Variants in CCDC51 observed in about 807,000 individuals in gnomAD.
CCDC51 encodes coiled-coil domain containing 51.
In CCDC51, 25 loss-of-function variants were observed where a neutral mutation model predicts 24.8. The observed-to-expected ratio is 1.01, with a 90% confidence interval of 0.73 to 1.41. The LOEUF (loss-of-function observed/expected upper bound fraction) is 1.41. Ranked by LOEUF, CCDC51 falls within the 40% of genes most tolerant of loss-of-function variation. The probability of loss-of-function intolerance (pLI) is 0.00; values close to 1 mark genes in which losing one functional copy is unlikely to be tolerated. For missense variants in CCDC51, 466 were observed against 519.1 expected (o/e 0.90, Z 0.99); for synonymous variants, 190 against 204.3 (o/e 0.93, Z 0.60).
chr3:48,440,142 T>C (rs1344422194), upstream of CCDC51: 12 of 1,282,960 alleles, frequency 9.4e-6, no homozygotes, highest in African/African-American at 1.5e-5. Context: ...ACCTCTGACC[T>C]GTTAGTACCC....
chr3:48,435,188 T>G lies in CCDC51; in HGVS notation c.-8-52A>C. 1 of 1,462,098 alleles carries G rather than the reference T, an allele frequency of 6.8e-7. No homozygotes were observed. The highest frequency in any genetic ancestry group is 9.1e-7 in the Non-Finnish European group (1 of 1,095,428). 90.6% of individuals were successfully genotyped at this position (1,462,098 alleles called of 1,614,324 possible). A position where few individuals can be genotyped will look rare whatever the true frequency, so the allele number is the denominator to read the frequency against. ...GCTCACAGCTGAGAAAGGCTGGACA[T>G]AAGTCAGTTTTGAGGCCTAGGGACA... On this transcript the variant is annotated intron_variant, in intron 1 of 3. Transcript: ENST00000395694. This position sits in a 1 kb window ranked among gnomAD's most constrained non-coding sequence, Gnocchi z 4.2.
rs1333793727 is a variant in CCDC51 at position 48,436,856 on chromosome 3, C to T, written c.-8-1720G>A. ...ACAGCTACTGTCTCCTATGCAATCT[C>T]GGCTTTCTCCCCTGCCGTCCCCCAC... On this transcript the variant is annotated intron_variant, in intron 1 of 3. Coordinates refer to ENST00000395694, the MANE Select transcript of CCDC51 (RefSeq NM_001256964.2). 2.2e-4 allele frequency among the ~76,000 whole-genome samples: 34 copies of T among 152,222 alleles called. 1 individual carries two copies. Among genetic ancestry groups the T allele is most frequent in the Admixed American group, 2.2e-3 (34 of 15,286 alleles).
upstream of CCDC51, among the ~76,000 whole-genome samples, chr3:48,442,159 G>T (rs2039585522): frequency 6.6e-6 from 1 of 151,774 alleles, no homozygotes; most frequent in South Asian, 2.1e-4. Flanking sequence ...AAGCCCAGGA[G>T]TTCAAGGTAA....
At chr3:48,440,326 A>T (rs377181258), upstream of CCDC51, 22 of 1,611,514 alleles carry the variant, frequency 1.4e-5, no homozygotes, top group African/African-American at 6.7e-5. Context: ...AGTGTTCCGG[A>T]ACCGTGAGGA....
At chr3:48,439,125 C>G (rs372266809) in intron 1 of CCDC51, among the ~76,000 whole-genome samples, 1 of 152,346 alleles carries the variant, frequency 6.6e-6, no homozygotes, top group African/African-American at 2.4e-5. Flanking sequence ...CCCACCCTAG[C>G]ACTCCTGACC....
Position 48,437,441 on chromosome 3 carries a change from A to G in CCDC51, c.-8-2305T>C, listed in dbSNP as rs909484444. Among the ~76,000 whole-genome samples, 6 of 152,022 alleles carry G rather than the reference A, an allele frequency of 3.9e-5. No homozygotes were observed. Among genetic ancestry groups the G allele is most frequent in the Non-Finnish European group, 1.5e-5 (1 of 68,014 alleles). On this transcript the variant is annotated intron_variant, in intron 1 of 3. Transcript: ENST00000395694. This position sits in a 1 kb window ranked among gnomAD's most constrained non-coding sequence, Gnocchi z 4.2. ...ACTTAGATGTTTCACAGGCCCCCCA[A>G]CCAGCAAGGAGAAGAATGTTCCTGG... is the stretch of plus-strand genomic sequence containing the variant.
rs764115835 is a variant in CCDC51, at chr3:48,434,849, C to T, written c.280G>A (p.Glu94Lys). Residue 94 changes from glutamate (E) to lysine (K), a missense_variant, in exon 2 of 4, where the codon GAG (glutamate) becomes AAG (lysine). Physicochemically the swap from Glu to Lys is moderately conservative, Grantham distance 56 (BLOSUM62 1). Coordinates refer to ENST00000395694, the MANE Select transcript of CCDC51 (RefSeq NM_001256964.2). ...DRYEEFVGLN[E>K]VREAQGKVTE... is the part of the protein sequence containing the mutation. ...ACCTTTCCCTGGGCCTCTCGAACCT[C>T]GTTGAGTCCAACAAACTCTTCATAT... 6.8e-6 allele frequency: 11 copies of T among 1,611,194 alleles called. No homozygotes were observed. The highest frequency in any genetic ancestry group is 1.1e-5 in the South Asian group (1 of 90,764).
In CCDC51 at chr3:48,432,770, T is replaced by C. The variant is rs898831993; in HGVS notation, c.874A>G (p.Arg292Gly). ...GAAAGGACATCTACATCTCTGTCTC[T>C]GGTCGGGGGACTACCTGCCTGTGAC... ...SGSQAGSPPT[R>G]DRDVDVLSAA... is the part of the protein sequence containing the mutation. Residue 292 changes from arginine (R) to glycine (G), a missense_variant, in exon 4 of 4, where the codon AGA (arginine) becomes GGA (glycine). Arg to Gly is a moderately radical substitution (Grantham distance 125, BLOSUM62 -2). Coordinates refer to ENST00000395694, the MANE Select transcript of CCDC51 (RefSeq NM_001256964.2). 1.9e-6 allele frequency: 3 copies of C among 1,614,180 alleles called. No homozygotes were observed. Among genetic ancestry groups the C allele is most frequent in the East Asian group, 2.2e-5 (1 of 44,888 alleles).
Position 48,435,480 on chromosome 3 carries a change from CAG to C in CCDC51, c.-8-346_-8-345del, listed in dbSNP as rs2039324833. On this transcript the variant is annotated intron_variant, in intron 1 of 3. Transcript: ENST00000395694. The surrounding 1 kb of genome is among the most constrained non-coding windows in gnomAD (Gnocchi z 4.2). The stretch of plus-strand genomic sequence containing the variant: ...TGACTTGAATGAGAATCCTGGTGCC[CAG>C]GTTTCTGATGTCAAAGACAGTTTTT... 6.6e-6 allele frequency among the ~76,000 whole-genome samples: 1 copy of C among 152,206 alleles called. No homozygotes were observed. Among genetic ancestry groups the C allele is most frequent in the Non-Finnish European group, 1.5e-5 (1 of 68,036 alleles).
At chr3:48,434,327 C>T (rs1439781590) in intron 2 of CCDC51, among the ~76,000 whole-genome samples, 1 of 152,156 alleles carries the variant, frequency 6.6e-6, no homozygotes, top group African/African-American at 2.4e-5. Context: ...CAGCTGAACC[C>T]CAGGTTCTTC....
chr3:48,436,314 G>C (rs1477996937), intron 1 of CCDC51, among the ~76,000 whole-genome samples: 1 of 152,202 alleles, frequency 6.6e-6, no homozygotes, highest in East Asian at 1.9e-4. Flanking sequence ...ATATGAGACA[G>C]AGGCTCCCCA....
At chr3:48,434,154 A>G (rs1392889373) in intron 2 of CCDC51, among the ~76,000 whole-genome samples, 1 of 152,172 alleles carries the variant, frequency 6.6e-6, no homozygotes, top group African/African-American at 2.4e-5. Flanking sequence ...GTGTCCATCA[A>G]ACCTGTGTTG....
Position 48,434,987 on chromosome 3 carries a change from T to C in CCDC51, c.142A>G (p.Arg48Gly), listed in dbSNP as rs779069056. The C allele has an allele frequency of 1.4e-4, 228 of 1,614,134 alleles. No homozygotes were observed. The highest frequency in any genetic ancestry group is 1.9e-4 in the Non-Finnish European group (220 of 1,180,056). Residue 48 changes from arginine to glycine, a missense_variant, in exon 2 of 4, where the codon AGA (arginine) becomes GGA (glycine). By Grantham distance (125) the Arg-to-Gly change is moderately radical. Coordinates refer to ENST00000395694, the MANE Select transcript of CCDC51 (RefSeq NM_001256964.2). ...AGCCCCAGGGCCACCTCCTCAGGTCTTTTCTCTCCGGGCTGGCTTGGGCCT... is the reference window on the plus strand; with the variant it reads ...AGCCCCAGGGCCACCTCCTCAGGTCCTTTCTCTCCGGGCTGGCTTGGGCCT... ...SPGPSQPGEKRPEEVALGLHH... is the reference protein window; with the variant it reads ...SPGPSQPGEKGPEEVALGLHH...
intron 1 of CCDC51, among the ~76,000 whole-genome samples, chr3:48,436,434 T>C (rs1475191634): frequency 1.3e-5 from 2 of 152,164 alleles, no homozygotes; most frequent in African/African-American, 2.4e-5. Flanking sequence ...CTGGGCAAAG[T>C]GGGCCTGAGC....
chr3:48,439,821 A>G (rs1482462693), intron 1 of CCDC51, among the ~76,000 whole-genome samples, 167 bp downstream of exon 1: 1 of 152,216 alleles, frequency 6.6e-6, no homozygotes, highest in Non-Finnish European at 1.5e-5. Flanking sequence ...ACTATATTAT[A>G]AAACTCCTTA....
chr3:48,432,973 C>G lies in CCDC51; in HGVS notation c.671G>C (p.Arg224Pro). The G allele has an allele frequency of 1.2e-6, 2 of 1,614,208 alleles. No individual in the cohort carries two copies. The highest frequency in any genetic ancestry group is 1.7e-6 in the Non-Finnish European group (2 of 1,180,042). The change falls in exon 4 of 4, where the codon CGT (arginine) becomes CCT (proline). Residue 224 changes from arginine to proline, a missense_variant. Arg to Pro is a moderately radical substitution (Grantham distance 103). Transcript: ENST00000395694. ...IGVAGSTYVNRVRLQELKALL... is the reference protein window; with the variant it reads ...IGVAGSTYVNPVRLQELKALL... ...AGCCTTCAGCTCCTGTAGTCGCACA[C>G]GGTTCACATAGGTGGAGCCAGCCAC...
chr3:48,434,815 A>G lies in CCDC51; in HGVS notation c.312+2T>C. The G allele has an allele frequency of 3.2e-6, 5 of 1,587,196 alleles. No individual in the cohort carries two copies. In the South Asian group the frequency reaches 5.8e-5, roughly 18 times the overall value. ...GCCAGCCACCCCAGCTCCCCTCCTC[A>G]CCTCTGTCACCTTTCCCTGGGCCTC... On this transcript the variant is annotated splice_donor_variant, in intron 2 of 3. Transcript: ENST00000395694. LOFTEE classifies it high-confidence loss of function.
upstream of CCDC51, among the ~76,000 whole-genome samples, chr3:48,444,739 A>C (rs1025101017): frequency 2.0e-5 from 3 of 152,240 alleles, no homozygotes; most frequent in Non-Finnish European, 4.4e-5. Context: ...CTACTGTGGA[A>C]GAGGCAGGGC....
In CCDC51 at chr3:48,432,451, A is replaced by G. The variant is rs2039196914; in HGVS notation, c.1193T>C (p.Val398Ala). The stretch of plus-strand genomic sequence containing the variant: ...CATGTAGAGCACAGGCAGTGTGGCC[A>G]CAAATGTCACACAGGTGACCAGGGT... ...YSTLVTCVTF[V>A]ATLPVLYMLF... The change falls in exon 4 of 4, where the codon GTG (valine) becomes GCG (alanine). Residue 398 changes from valine (V) to alanine (A), a missense_variant. By Grantham distance (64) the Val-to-Ala change is moderately conservative. Coordinates refer to ENST00000395694, the MANE Select transcript of CCDC51 (RefSeq NM_001256964.2). The G allele has an allele frequency of 2.5e-6, 4 of 1,614,142 alleles. No homozygotes were observed. The Admixed American group carries it at 6.7e-5, about 27-fold the overall frequency.
Sources: gnomAD v4.1 joint callset for allele counts (sites outside exome capture counted in the v4.1 genomes callset) on GRCh38, gnomAD v4.1.1 for gene constraint, Gnocchi (gnomAD v3.1) non-coding constraint, MANE v1.5 for transcripts, NCBI Gene and HGNC (gene_info 2026-07-23, HGNC 2026-07-21) for gene names.